The following TCFL5 variants were observed in gnomAD, a reference collection of about 807,000 sequenced individuals.
The protein encoded by TCFL5 is transcription factor like 5.
TCFL5 carries 9 observed loss-of-function variants against 44.3 expected under a neutral mutation model. That is an observed-to-expected ratio of 0.20 (90% CI 0.12 to 0.35). The LOEUF is 0.35. Among genes scored for constraint, TCFL5 ranks in the 10% least tolerant of loss-of-function variants. TCFL5 has a pLI of 1.00. For synonymous variants in TCFL5, 319 were observed against 271.6 expected (o/e 1.17, Z -1.72); for missense variants, 603 against 613.4 (o/e 0.98, Z 0.18).
At chr20:62,843,889 C>T (rs900494959) in intron 5 of TCFL5, among the ~76,000 whole-genome samples, 6 of 152,214 alleles carry the variant, frequency 3.9e-5, no homozygotes, top group Non-Finnish European at 8.8e-5. Flanking sequence ...ATAATGACCT[C>T]GGGCCATCCA....
rs772000294 is a variant in TCFL5, at chr20:62,860,245, T to C, written c.711A>G (p.Lys237=). ...TTTTATTTTTCACTAATGCTGTACA[T>C]TTGTTTTGTTGCTGAAGAGGAACAT... ...LMNVPLQQQN[K]CTALVKNKTA... Residue 237 remains lysine, a synonymous_variant, in exon 2 of 6, where the codon AAA becomes AAG. Coordinates refer to ENST00000335351, the MANE Select transcript of TCFL5 (RefSeq NM_006602.4). The C allele has an allele frequency of 1.9e-6, 3 of 1,613,730 alleles. No homozygotes were observed. The South Asian group carries it at 3.3e-5, about 18-fold the overall frequency.
chr20:62,856,705 CAAAAAAAAAA>C (rs11470406), intron 4 of TCFL5, among the ~76,000 whole-genome samples: 107 of 100,264 alleles, frequency 1.1e-3, no homozygotes, highest in African/African-American at 4.0e-3. Flanking sequence ...GACTCCGTCT[CAAAAAAAAAA>C]AAAAAAAAAA....
Position 62,841,542 on chromosome 20 carries a change from G to GT in TCFL5, c.*432dup, listed in dbSNP as rs2063680407. On this transcript the variant is annotated 3_prime_UTR_variant, in exon 6 of 6. Transcript: ENST00000335351. ...ACGAATGAAATAAAATTTCCAAACT[G>GT]TTTTTAGTTAACAATTTAACTTGTT... The GT allele has an allele frequency of 6.4e-6, 1 of 155,482 alleles. No homozygotes were observed. The highest frequency in any genetic ancestry group is 2.4e-5 in the African/African-American group (1 of 41,476). The allele number at this position is 155,482 out of a possible 1,614,324, so 9.6% of individuals were successfully genotyped here. A position where few individuals can be genotyped will look rare whatever the true frequency, so the allele number is the denominator to read the frequency against.
intron 5 of TCFL5, chr20:62,852,589 C>A (rs1356392916): frequency 1.0e-6 from 1 of 985,280 alleles, no homozygotes. Context: ...TCCTGAGGGA[C>A]TGCATATGCT....
intron 5 of TCFL5, among the ~76,000 whole-genome samples, chr20:62,850,801 G>T (rs1055022812): frequency 6.6e-6 from 1 of 152,182 alleles, no homozygotes; most frequent in South Asian, 2.1e-4. Context: ...CTCTGCAGCC[G>T]GCAGGTCCTG....
rs144690726 is a variant in TCFL5 at position 62,848,511 on chromosome 20, C to T, written c.1380+5505G>A. Among the ~76,000 whole-genome samples, 407 of 152,292 alleles carry T rather than the reference C, an allele frequency of 2.7e-3. 1 individual carries two copies. The highest frequency in any genetic ancestry group is 4.6e-3 in the African/African-American group (190 of 41,552). Reference sequence around the variant, plus strand: ...ATGCCAGCACTTTCAGAGGCCGAGGCGGGAGGATCACCTGAGGTAAGATCG... The same window carrying T: ...ATGCCAGCACTTTCAGAGGCCGAGGTGGGAGGATCACCTGAGGTAAGATCG... On this transcript the variant is annotated intron_variant, in intron 5 of 5. Coordinates refer to ENST00000335351, the MANE Select transcript of TCFL5 (RefSeq NM_006602.4).
At chr20:62,852,584 A>C (rs532918044) in intron 5 of TCFL5, 1 of 985,362 alleles carries the variant, frequency 1.0e-6, no homozygotes, top group Non-Finnish European at 1.2e-6. Flanking sequence ...GGCTGTCCTG[A>C]GGGACTGCAT....
intron 5 of TCFL5, chr20:62,852,328 G>A: frequency 1.0e-6 from 1 of 985,014 alleles, no homozygotes; most frequent in Non-Finnish European, 1.2e-6. Flanking sequence ...TGGAACTCGG[G>A]TCCCCCAAAG....
chr20:62,851,546 CAAT>C (rs1490423122), intron 5 of TCFL5: 2 of 985,196 alleles, frequency 2.0e-6, no homozygotes, highest in Non-Finnish European at 2.4e-6. Context: ...CTACCTCTAA[CAAT>C]AATCTTCAAG....
chr20:62,852,392 T>A, intron 5 of TCFL5: 1 of 983,924 alleles, frequency 1.0e-6, no homozygotes, highest in Non-Finnish European at 1.2e-6. Context: ...CCCAGAACCC[T>A]GGAACTGGGG....
At chr20:62,857,689 T>G in intron 3 of TCFL5, 51 bp from the exon 4 acceptor site, 1 of 1,589,328 alleles carries the variant, frequency 6.3e-7, no homozygotes, top group Non-Finnish European at 8.6e-7. Flanking sequence ...CTTATCTCAA[T>G]TAATGCTGAA....
chr20:62,859,672 C>T (rs371857829), intron 2 of TCFL5, 146 bp from the exon 3 acceptor site: 39 of 752,916 alleles, frequency 5.2e-5, no homozygotes, highest in Non-Finnish European at 7.8e-5. Context: ...TAAAAATATT[C>T]GCATACCACA....
chr20:62,848,595 G>A (rs140344223), intron 5 of TCFL5, among the ~76,000 whole-genome samples: 3,011 of 152,032 alleles, frequency 0.02, 54 homozygotes, highest in Non-Finnish European at 0.03. Flanking sequence ...AAAATTAGCC[G>A]GGCGTGGTGG....
Position 62,857,439 on chromosome 20 carries a change from C to A in TCFL5, c.1194G>T (p.Arg398Ser), listed in dbSNP as rs1181473171. ...EQAQSGPQGG[R>S]SQRRERHNRM... ...GGTTATGCCTCTCCCTACGTTGAGA[C>A]CTTCCTCCCTGGGGCCCACTCTGGG... is the stretch of plus-strand genomic sequence containing the variant. The change falls in exon 4 of 6, where the codon AGG (arginine) becomes AGT (serine). Residue 398 changes from arginine (R) to serine (S), a missense_variant. Around this residue, in one of 4 missense-constraint regions of TCFL5, gnomAD observed 21 missense variants for 54.0 expected, o/e 0.39. Transcript: ENST00000335351. 6.2e-7 allele frequency: 1 copy of A among 1,614,102 alleles called. No individual in the cohort carries two copies. Among genetic ancestry groups the A allele is most frequent in the Non-Finnish European group, 8.5e-7 (1 of 1,180,042 alleles).
At chr20:62,860,995 C>T in intron 1 of TCFL5, 29 bp downstream of exon 1, 1 of 992,544 alleles carries the variant, frequency 1.0e-6, no homozygotes, top group Non-Finnish European at 1.2e-6. Context: ...CACCCGGGCC[C>T]CGCCAGCCCC....
chr20:62,841,967 C>A lies in TCFL5; in HGVS notation c.*8G>T, dbSNP rs943847527. 1.9e-6 allele frequency: 3 copies of A among 1,613,916 alleles called. No homozygotes were observed. Among genetic ancestry groups the A allele is most frequent in the Non-Finnish European group, 1.7e-6 (2 of 1,179,990 alleles). ...TGTTCACCCCCCGAGGATTCCTGTT[C>A]AGTCCGATCACTTGATCTCCATCGA... On this transcript the variant is annotated 3_prime_UTR_variant, in exon 6 of 6. Coordinates refer to ENST00000335351, the MANE Select transcript of TCFL5 (RefSeq NM_006602.4).
intron 5 of TCFL5, chr20:62,845,044 A>T (rs889144875): frequency 1.0e-6 from 1 of 985,908 alleles, no homozygotes; most frequent in Non-Finnish European, 1.2e-6. Flanking sequence ...CAACTTTCCA[A>T]CCAAGCAAGC....
In TCFL5 at chr20:62,842,126, C is replaced by T. The variant is rs754987111; in HGVS notation, c.1381-29G>A. ...CAGTGAAGAAGTGACGGTTAACATA[C>T]TGAATTAACTGACATGAAAACTGCT... On this transcript the variant is annotated intron_variant, in intron 5 of 5. Transcript: ENST00000335351. The surrounding 1 kb of genome is among the most constrained non-coding windows in gnomAD (Gnocchi z 4.3). 1.9e-6 allele frequency: 3 copies of T among 1,612,382 alleles called. 1 individual carries two copies. The South Asian group carries it at 3.3e-5, about 18-fold the overall frequency.
chr20:62,852,933 G>A (rs2063831993), intron 5 of TCFL5: 5 of 1,288,090 alleles, frequency 3.9e-6, no homozygotes, highest in Non-Finnish European at 5.1e-6. Flanking sequence ...TATTCACCCA[G>A]TCCGCAGAAG....
Sources: gnomAD v4.1 joint callset for allele counts (sites outside exome capture counted in the v4.1 genomes callset) on GRCh38, gnomAD v4.1.1 for gene constraint, gnomAD v4.1.1 regional missense constraint, Gnocchi (gnomAD v3.1) non-coding constraint, MANE v1.5 for transcripts, NCBI Gene and HGNC (gene_info 2026-07-23, HGNC 2026-07-21) for gene names.